The following GALNT16 variants were observed in gnomAD, a reference collection of about 807,000 sequenced individuals.
The protein encoded by GALNT16 is polypeptide N-acetylgalactosaminyltransferase 16, also known as UDP-GalNAc:polypeptide N-acetylgalactosaminyltransferase-like protein 1.
In GALNT16, 40 loss-of-function variants were observed where a neutral mutation model predicts 76.1. That is an observed-to-expected ratio of 0.53 (90% CI 0.41 to 0.68). The LOEUF (loss-of-function observed/expected upper bound fraction) is 0.68. Ranked by LOEUF, GALNT16 falls within the 30% of genes least tolerant of loss-of-function variation. The probability of loss-of-function intolerance (pLI) is 0.00; values close to 1 mark genes in which losing one functional copy is unlikely to be tolerated. For synonymous variants in GALNT16, 276 were observed against 285.2 expected (o/e 0.97, Z 0.32); for missense variants, 621 against 731.9 (o/e 0.85, Z 1.75).
intron 1 of GALNT16, among the ~76,000 whole-genome samples, chr14:69,265,930 C>A (rs1272081018): frequency 6.6e-6 from 1 of 152,158 alleles, no homozygotes; most frequent in African/African-American, 2.4e-5. Context: ...TGATGACATT[C>A]GTTGGAGACC....
At chr14:69,278,717 A>G (rs2044503821) in intron 1 of GALNT16, among the ~76,000 whole-genome samples, 1 of 152,256 alleles carries the variant, frequency 6.6e-6, no homozygotes, top group African/African-American at 2.4e-5. Flanking sequence ...TGGTCTAACC[A>G]AATGTGTTGT....
At chr14:69,329,348 C>G (rs907369672) in intron 6 of GALNT16, among the ~76,000 whole-genome samples, 1 of 151,938 alleles carries the variant, frequency 6.6e-6, no homozygotes, top group Non-Finnish European at 1.5e-5. Context: ...CTGAGCGAGA[C>G]TCCATCTCAA....
In GALNT16 at chr14:69,321,536, A is replaced by G. The variant is rs542223028; in HGVS notation, c.335+668A>G. Among the ~76,000 whole-genome samples the G allele has an allele frequency of 3.9e-5, 6 of 152,196 alleles. No homozygotes were observed. The East Asian group carries it at 9.6e-4, about 24-fold the overall frequency. On this transcript the variant is annotated intron_variant, in intron 2 of 14. Coordinates refer to ENST00000448469, the MANE Select transcript of GALNT16 (RefSeq NM_001168368.2). ...TGCCGTCACCTGCACGAACAGTCTG[A>G]GTTCCTGATGCTGAAGCACCACCCC... is the stretch of plus-strand genomic sequence containing the variant.
intron 1 of GALNT16, among the ~76,000 whole-genome samples, chr14:69,314,042 C>A (rs377137807): frequency 4.6e-5 from 7 of 152,326 alleles, no homozygotes; most frequent in African/African-American, 1.7e-4. Flanking sequence ...ACATCTGATG[C>A]TTTTGTCCCA....
intron 1 of GALNT16, among the ~76,000 whole-genome samples, chr14:69,305,580 G>A (rs1215425174): frequency 6.6e-6 from 1 of 152,096 alleles, no homozygotes; most frequent in Non-Finnish European, 1.5e-5. Flanking sequence ...GTCTATTCAA[G>A]TTCTGAGCCC....
At chr14:69,289,438 G>A (rs1240942512) in intron 1 of GALNT16, among the ~76,000 whole-genome samples, 8 of 152,292 alleles carry the variant, frequency 5.3e-5, no homozygotes, top group East Asian at 3.9e-4. Flanking sequence ...GCTTCAGCTC[G>A]CTGGAAGGTT....
At position 69,324,757 on chromosome 14, in the gene GALNT16, A is replaced by C. The variant is rs774067275; in HGVS notation, c.401A>C (p.Glu134Ala). Residue 134 changes from glutamate (E) to alanine (A), a missense_variant, in exon 3 of 15, where the codon GAG becomes GCG. Physicochemically the swap from Glu to Ala is moderately radical, Grantham distance 107. Coordinates refer to ENST00000448469, the MANE Select transcript of GALNT16 (RefSeq NM_001168368.2). ...AGCGTCATCATCACCTTCCACAATG[A>C]GGCCCGTTCCACCCTGCTGCGCACA... is the stretch of plus-strand genomic sequence containing the variant. ...ATSVIITFHN[E>A]ARSTLLRTVK... 1 of 1,612,846 alleles carries C rather than the reference A, an allele frequency of 6.2e-7. No individual in the cohort carries two copies. The highest frequency in any genetic ancestry group is 1.7e-5 in the Admixed American group (1 of 59,918).
At chr14:69,336,358 C>T (rs924848658) in intron 9 of GALNT16, among the ~76,000 whole-genome samples, 2 of 152,194 alleles carry the variant, frequency 1.3e-5, no homozygotes, top group African/African-American at 2.4e-5. Context: ...GTGATCCACC[C>T]GCCTCAGCCT....
chr14:69,336,237 G>A (rs560035580), intron 9 of GALNT16, among the ~76,000 whole-genome samples: 10 of 152,308 alleles, frequency 6.6e-5, no homozygotes, highest in African/African-American at 2.2e-4. Context: ...AGCCTTCTGA[G>A]TAGCTGGGAT....
At chr14:69,287,193 C>T (rs1318398850) in intron 1 of GALNT16, among the ~76,000 whole-genome samples, 2 of 152,214 alleles carry the variant, frequency 1.3e-5, no homozygotes, top group African/African-American at 2.4e-5. Flanking sequence ...TTTCATAGGG[C>T]CCCTTTGAGC....
At chr14:69,324,210 C>T (rs1230680519) in intron 2 of GALNT16, among the ~76,000 whole-genome samples, 2 of 151,984 alleles carry the variant, frequency 1.3e-5, no homozygotes, top group African/African-American at 2.4e-5. Context: ...GGGAGGAATT[C>T]CCTGGCAGCC....
At chr14:69,363,985 C>T in the GALNT16 span, among the ~76,000 whole-genome samples, 2 of 152,198 alleles carry the variant, frequency 1.3e-5, no homozygotes, top group Non-Finnish European at 2.9e-5. Context: ...TACTTCCCCG[C>T]TTTTACCTTG....
intron 1 of GALNT16, among the ~76,000 whole-genome samples, chr14:69,271,266 G>T (rs2140104342): frequency 6.6e-6 from 1 of 152,308 alleles, no homozygotes; most frequent in South Asian, 2.1e-4. Flanking sequence ...CCGGGGCCGG[G>T]GCTCTGGAAC....
intron 3 of GALNT16, 47 bp downstream of exon 3, chr14:69,324,837 G>A: frequency 7.7e-7 from 1 of 1,299,818 alleles, no homozygotes; most frequent in Non-Finnish European, 1.1e-6. Flanking sequence ...TGGCAGGGGA[G>A]GACATTGGGA....
intron 12 of GALNT16, among the ~76,000 whole-genome samples, chr14:69,343,415 A>G (rs1285675784): frequency 6.6e-6 from 1 of 152,242 alleles, no homozygotes; most frequent in Admixed American, 6.5e-5. Context: ...AATGAACAAG[A>G]TTAAACTGAC....
the GALNT16 span, among the ~76,000 whole-genome samples, chr14:69,383,825 T>C: frequency 6.6e-6 from 1 of 152,184 alleles, no homozygotes; most frequent in Non-Finnish European, 1.5e-5. Flanking sequence ...CAGTTTAGTA[T>C]GCTAGATATG....
chr14:69,286,760 G>T (rs577685633), intron 1 of GALNT16, among the ~76,000 whole-genome samples: 1 of 152,304 alleles, frequency 6.6e-6, no homozygotes, highest in South Asian at 2.1e-4. Context: ...GATGGTTAGA[G>T]GAGAGCTGTA....
At chr14:69,345,564 T>G (rs554932845) in intron 12 of GALNT16, among the ~76,000 whole-genome samples, 7 of 152,228 alleles carry the variant, frequency 4.6e-5, no homozygotes, top group African/African-American at 1.7e-4. Flanking sequence ...GCACACACGC[T>G]GTAATCCCTC....
In GALNT16 at chr14:69,354,056, C is replaced by A. The variant is rs1411342100; in HGVS notation, c.*1888C>A. On this transcript the variant is annotated 3_prime_UTR_variant, in exon 15 of 15. Transcript: ENST00000448469. Reference sequence around the variant, plus strand: ...CTCCCAGGGCCATGCTTTGCCTGTCCTCTGTCGTGATGTTTCTTCCGCAGC... The same window carrying A: ...CTCCCAGGGCCATGCTTTGCCTGTCATCTGTCGTGATGTTTCTTCCGCAGC... 2.0e-5 allele frequency: 3 copies of A among 152,740 alleles called. No homozygotes were observed. The highest frequency in any genetic ancestry group is 4.4e-5 in the Non-Finnish European group (3 of 68,334). 9.5% of individuals were successfully genotyped at this position (152,740 alleles called of 1,614,324 possible). A position where few individuals can be genotyped will look rare whatever the true frequency, so the allele number is the denominator to read the frequency against.
Sources: gnomAD v4.1 joint callset for allele counts (sites outside exome capture counted in the v4.1 genomes callset) on GRCh38, gnomAD v4.1.1 for gene constraint, MANE v1.5 for transcripts, NCBI Gene and HGNC (gene_info 2026-07-23, HGNC 2026-07-21) for gene names.